C8orf34: variants seen among roughly 807,000 people sequenced by gnomAD.
C8orf34 encodes uncharacterized protein C8orf34.
In C8orf34, 65 loss-of-function variants were observed where a neutral mutation model predicts 68.3. The observed-to-expected ratio is 0.95, with a 90% confidence interval of 0.78 to 1.17. The LOEUF is 1.17. Ranked by LOEUF, C8orf34 falls within the 50% of genes most tolerant of loss-of-function variation. The pLI, the probability that C8orf34 is intolerant of heterozygous loss-of-function variation, is 0.00. For missense variants in C8orf34, 664 were observed against 655.4 expected (o/e 1.01, Z -0.14); for synonymous variants, 244 against 241.2 (o/e 1.01, Z -0.11).
chr8:68,737,265 TC>T (rs1281055843), intron 10 of C8orf34, among the ~76,000 whole-genome samples: 1 of 152,124 alleles, frequency 6.6e-6, no homozygotes, highest in Non-Finnish European at 1.5e-5. Flanking sequence ...CATTGCTGCT[TC>T]CATTTTCTGT....
At chr8:68,423,205 A>G (rs1810060011) in intron 1 of C8orf34, among the ~76,000 whole-genome samples, 1 of 151,994 alleles carries the variant, frequency 6.6e-6, no homozygotes, top group South Asian at 2.1e-4. Flanking sequence ...CTTCTATCAC[A>G]TTGTCAGTCT....
chr8:68,804,508 A>G (rs1292429102), intron 12 of C8orf34, among the ~76,000 whole-genome samples: 1 of 152,176 alleles, frequency 6.6e-6, no homozygotes, highest in African/African-American at 2.4e-5. Context: ...GGTTTAATTC[A>G]TCTATTTAAC....
chr8:68,743,836 T>C lies in C8orf34; in HGVS notation c.1404+22399T>C, dbSNP rs549070088. On this transcript the variant is annotated intron_variant, in intron 10 of 13. Transcript: ENST00000518698. ...GCGCCCACCATTGCCCAGGCTTGCT[T>C]AGGTAAACAAAGCAGCCCCGGAGCT... Among the ~76,000 whole-genome samples the C allele has an allele frequency of 6.6e-5, 10 of 152,238 alleles. No homozygotes were observed. In the East Asian group the frequency reaches 1.9e-3, roughly 29 times the overall value.
chr8:68,603,516 T>G (rs1299437530), intron 7 of C8orf34, among the ~76,000 whole-genome samples: 1 of 138,482 alleles, frequency 7.2e-6, no homozygotes, highest in Non-Finnish European at 1.5e-5. Context: ...TATGTATATA[T>G]ACATATATCT....
chr8:68,515,818 T>G (rs1370093695), intron 5 of C8orf34, among the ~76,000 whole-genome samples: 1 of 152,228 alleles, frequency 6.6e-6, no homozygotes, highest in Non-Finnish European at 1.5e-5. Context: ...GCTGATGTGA[T>G]GTACTGGCCT....
At chr8:68,789,009 T>C (rs1823919059) in intron 12 of C8orf34, among the ~76,000 whole-genome samples, 1 of 152,048 alleles carries the variant, frequency 6.6e-6, no homozygotes, top group Admixed American at 6.5e-5. Flanking sequence ...ACAGAGAAAA[T>C]AATCCCCAAA....
chr8:68,566,035 C>G (rs10095408), intron 7 of C8orf34, among the ~76,000 whole-genome samples: 45,130 of 151,942 alleles, frequency 0.3, 7,414 homozygotes, highest in Non-Finnish European at 0.36. Context: ...TTTTGTAAAG[C>G]CTGGCTTTTG....
intron 7 of C8orf34, among the ~76,000 whole-genome samples, chr8:68,552,813 C>T (rs924690143): frequency 6.7e-5 from 10 of 149,962 alleles, no homozygotes; most frequent in South Asian, 4.2e-4. Context: ...TTGGCATCTA[C>T]GAGATGATCA....
chr8:68,501,504 T>C (rs1170928777), intron 5 of C8orf34, among the ~76,000 whole-genome samples: 1 of 152,208 alleles, frequency 6.6e-6, no homozygotes, highest in Non-Finnish European at 1.5e-5. Context: ...GCTTCTGGAC[T>C]GTAGGTTCCA....
At chr8:68,703,216 T>C (rs1413363136) in intron 8 of C8orf34, among the ~76,000 whole-genome samples, 8 of 152,184 alleles carry the variant, frequency 5.3e-5, no homozygotes, top group Admixed American at 4.6e-4. Context: ...TCTCTGTGGA[T>C]ACAAACTTTC....
At chr8:68,531,103 T>G (rs1586329019) in intron 6 of C8orf34, among the ~76,000 whole-genome samples, 1 of 152,074 alleles carries the variant, frequency 6.6e-6, no homozygotes, top group East Asian at 1.9e-4. Context: ...AATTACAGAT[T>G]TTATAAAATG....
intron 5 of C8orf34, among the ~76,000 whole-genome samples, chr8:68,489,067 A>G (rs779906445): frequency 3.3e-5 from 5 of 152,190 alleles, no homozygotes; most frequent in Non-Finnish European, 4.4e-5. Context: ...TTATTTTCTA[A>G]AACAAGATGT....
chr8:68,773,232 T>C (rs149129111), intron 10 of C8orf34, among the ~76,000 whole-genome samples: 1 of 152,060 alleles, frequency 6.6e-6, no homozygotes, highest in Non-Finnish European at 1.5e-5. Flanking sequence ...CCGAGATAGA[T>C]GTATTGGATC....
rs368596407 is a variant in C8orf34 at position 68,674,952 on chromosome 8, C to G, written c.1242-34042C>G. On this transcript the variant is annotated intron_variant, in intron 8 of 13. Coordinates refer to ENST00000518698, the MANE Select transcript of C8orf34 (RefSeq NM_052958.4). ...TGCAATGGAGCTCCAATACCCCTGG[C>G]AGTAGACTTTTCAGTGGGAACTTTA... Among the ~76,000 whole-genome samples the G allele has an allele frequency of 3.0e-4, 46 of 152,010 alleles. No individual in the cohort carries two copies. In the South Asian group the frequency reaches 9.1e-3, roughly 30 times the overall value.
intron 1 of C8orf34, among the ~76,000 whole-genome samples, chr8:68,374,175 A>G (rs1032094826): frequency 6.6e-6 from 1 of 152,116 alleles, no homozygotes; most frequent in Non-Finnish European, 1.5e-5. Flanking sequence ...TCGACCTCCC[A>G]AAGTGCTAGG....
Position 68,521,953 on chromosome 8 carries a change from G to C in C8orf34, c.920G>C (p.Gly307Ala). The change falls in exon 6 of 14, where the codon GGC (glycine) becomes GCC (alanine). Residue 307 changes from glycine (G) to alanine (A), a missense_variant. Coordinates refer to ENST00000518698, the MANE Select transcript of C8orf34 (RefSeq NM_052958.4). ...GACCAATGGGAAAGTGAAGATAGTG[G>C]CTCTAGTCCTGCAGGAAGGTGAGAT... ...KNDQWESEDS[G>A]SSPAGSLKME... 4 of 1,613,950 alleles carry C rather than the reference G, an allele frequency of 2.5e-6. No homozygotes were observed. The highest frequency in any genetic ancestry group is 3.4e-6 in the Non-Finnish European group (4 of 1,179,932).
intron 7 of C8orf34, among the ~76,000 whole-genome samples, chr8:68,564,755 A>G (rs1816534280): frequency 6.6e-6 from 1 of 152,184 alleles, no homozygotes; most frequent in South Asian, 2.1e-4. Context: ...CCAGATGTCA[A>G]TTTCGTGGAT....
intron 1 of C8orf34, among the ~76,000 whole-genome samples, chr8:68,423,382 G>A (rs542824005): frequency 3.3e-5 from 5 of 152,192 alleles, no homozygotes; most frequent in African/African-American, 1.2e-4. Context: ...TAGCAAGATG[G>A]GAACTTTACT....
intron 6 of C8orf34, 47 bp from the exon 7 acceptor site, chr8:68,532,936 A>G (rs1449351864): frequency 1.5e-6 from 2 of 1,347,786 alleles, no homozygotes; most frequent in Non-Finnish European, 1.0e-6. Context: ...TTATTTGTAG[A>G]TTTTCTTTAC....
Sources: gnomAD v4.1 joint callset for allele counts (sites outside exome capture counted in the v4.1 genomes callset) on GRCh38, gnomAD v4.1.1 for gene constraint, MANE v1.5 for transcripts, NCBI Gene and HGNC (gene_info 2026-07-23, HGNC 2026-07-21) for gene names.